Variants in NPM1 observed in about 807,000 individuals in gnomAD.
NPM1 encodes nucleophosmin 1, also known as nucleophosmin.
In NPM1, 1 loss-of-function variant was observed where a neutral mutation model predicts 44.1. The ratio of observed to expected loss-of-function variants is 0.02; its 90% CI spans 0.01 to 0.11. The LOEUF (loss-of-function observed/expected upper bound fraction) is 0.11. Ranked by LOEUF, NPM1 falls within the 10% of genes least tolerant of loss-of-function variation. The pLI is 1.00. For synonymous variants in NPM1, 126 were observed against 111.8 expected (o/e 1.13, Z -0.80); for missense variants, 197 against 347.8 (o/e 0.57, Z 3.45).
chr5:171,393,091 A>G lies in NPM1; in HGVS notation c.524+113A>G, dbSNP rs948259635. The stretch of plus-strand genomic sequence containing the variant: ...AAAGTCATTTACAAAAAGCCATCCT[A>G]TGTAATAGTTTATAATAAAAGGGCA... On this transcript the variant is annotated intron_variant, in intron 6 of 10. Transcript: ENST00000296930. 4.4e-6 allele frequency: 6 copies of G among 1,358,740 alleles called. No individual in the cohort carries two copies. The African/African-American group carries it at 5.9e-5, about 13-fold the overall frequency. 84.2% of individuals were successfully genotyped at this position (1,358,740 alleles called of 1,614,324 possible). A position where few individuals can be genotyped will look rare whatever the true frequency, so the allele number is the denominator to read the frequency against.
At chr5:171,406,938 C>T (rs1771604814) in intron 9 of NPM1, 1 of 161,590 alleles carries the variant, frequency 6.2e-6, no homozygotes, top group Non-Finnish European at 1.4e-5. Flanking sequence ...ATATTCAATG[C>T]TTTAAATTCC....
At chr5:171,390,202 TGAGAC>T in intron 2 of NPM1, 72 bp downstream of exon 2, 1 of 866,732 alleles carries the variant, frequency 1.2e-6, no homozygotes. Context: ...TCATGTGGCT[TGAGAC>T]TTTTTTTCCT....
rs779180169 is a variant in NPM1 at position 171,400,809 on chromosome 5, A to G, written c.583-30A>G. 4.2e-6 allele frequency: 6 copies of G among 1,412,732 alleles called. No individual in the cohort carries two copies. In the Admixed American group the frequency reaches 6.7e-5, roughly 16 times the overall value. 87.5% of individuals were successfully genotyped at this position (1,412,732 alleles called of 1,614,324 possible). ...GTTTGCACTGTTGTTGGGGTCAGGGACAGTGATTAAGATAAATTTCTAATT... is the reference window on the plus strand; with the variant it reads ...GTTTGCACTGTTGTTGGGGTCAGGGGCAGTGATTAAGATAAATTTCTAATT... On this transcript the variant is annotated intron_variant, in intron 7 of 10. Coordinates refer to ENST00000296930, the MANE Select transcript of NPM1 (RefSeq NM_002520.7).
In NPM1 at chr5:171,392,586, CTTT is replaced by C. The variant is rs34475806; in HGVS notation, c.353-109_353-107del. On this transcript the variant is annotated intron_variant, in intron 4 of 10. Coordinates refer to ENST00000296930, the MANE Select transcript of NPM1 (RefSeq NM_002520.7). ...TAAAAAGTTCCTTTTCCCATGTGCT[CTTT>C]TTTTTTTTTTTTTTAAATAGAATAG... 0.35 allele frequency: 159,653 copies of C among 449,836 alleles called. 16,249 individuals are homozygous for C. The highest frequency in any genetic ancestry group is 0.45 in the East Asian group (12,354 of 27,254). The allele number at this position is 449,836 out of a possible 1,614,324, so 27.9% of individuals were successfully genotyped here.
At chr5:171,405,165 T>C in intron 8 of NPM1, 137 bp from the exon 9 acceptor site, 3 of 609,226 alleles carry the variant, frequency 4.9e-6, no homozygotes, top group Non-Finnish European at 8.8e-6. Context: ...CGTGAATTTA[T>C]TGATGATAAT....
intron 1 of NPM1, 113 bp from the exon 2 acceptor site, chr5:171,389,938 C>G (rs867112732): frequency 3.3e-5 from 22 of 660,250 alleles, no homozygotes; most frequent in Middle Eastern, 3.9e-4. Flanking sequence ...CCTCTGGTAG[C>G]TAAAATAGTG....
intron 9 of NPM1, chr5:171,406,401 A>C: frequency 6.2e-7 from 1 of 1,613,264 alleles, no homozygotes; most frequent in Non-Finnish European, 8.5e-7. Flanking sequence ...TTGCAGGCGC[A>C]TTGAACAGTC....
chr5:171,388,062 T>TGGGGGG, intron 1 of NPM1, 56 bp downstream of exon 1: 3 of 531,416 alleles, frequency 5.6e-6, no homozygotes, highest in East Asian at 4.5e-5. Context: ...GCGGTGAGGG[T>TGGGGGG]GGGGGTGAGG....
chr5:171,408,577 G>A (rs1771680249), intron 10 of NPM1, among the ~76,000 whole-genome samples: 1 of 152,100 alleles, frequency 6.6e-6, no homozygotes, highest in South Asian at 2.1e-4. Context: ...CCCTGATAAT[G>A]GTTAATTTTG....
In NPM1 at chr5:171,406,201, A is replaced by AT. The variant is rs1771555274; in HGVS notation, c.771+800dup. Among the ~76,000 whole-genome samples, 8 of 152,266 alleles carry AT rather than the reference A, an allele frequency of 5.3e-5. No individual in the cohort carries two copies. In the South Asian group the frequency reaches 1.5e-3, roughly 28 times the overall value. ...TATAGATTTTTCGTGGCTTCAGTAG[A>AT]TTCCTTGTACAGTGATAAGTCCACT... On this transcript the variant is annotated intron_variant, in intron 9 of 10. Coordinates refer to ENST00000296930, the MANE Select transcript of NPM1 (RefSeq NM_002520.7).
intron 6 of NPM1, among the ~76,000 whole-genome samples, chr5:171,397,175 CTG>C (rs1283703339): frequency 6.6e-6 from 1 of 152,170 alleles, no homozygotes; most frequent in Non-Finnish European, 1.5e-5. Context: ...ACTTCTGTGA[CTG>C]TTTTCTTAGC....
chr5:171,389,429 A>G (rs772987659), intron 1 of NPM1, among the ~76,000 whole-genome samples: 26 of 152,212 alleles, frequency 1.7e-4, no homozygotes, highest in Non-Finnish European at 3.1e-4. Context: ...TTTAATTCCT[A>G]GTTATTTTGG....
chr5:171,393,201 T>G (rs1251917496), intron 6 of NPM1, among the ~76,000 whole-genome samples: 1 of 152,236 alleles, frequency 6.6e-6, no homozygotes, highest in Non-Finnish European at 1.5e-5. Context: ...CTGTGACTTG[T>G]GACTCTTCAG....
intron 6 of NPM1, among the ~76,000 whole-genome samples, chr5:171,398,540 T>C (rs968371970): frequency 1.3e-5 from 2 of 152,180 alleles, no homozygotes; most frequent in African/African-American, 4.8e-5. Context: ...TTTGAGAGGC[T>C]GAGGCAGGCG....
At chr5:171,387,560 G>C (rs1314949069), upstream of NPM1, 1 of 236,268 alleles carries the variant, frequency 4.2e-6, no homozygotes, top group African/African-American at 2.2e-5. Flanking sequence ...AGAGGACGTG[G>C]AAGGGTTGGA....
chr5:171,392,628 TA>T, intron 4 of NPM1, 81 bp from the exon 5 acceptor site: 2 of 797,608 alleles, frequency 2.5e-6, no homozygotes, highest in Non-Finnish European at 3.9e-6. Flanking sequence ...TCTCAGTTTT[TA>T]GAGTATTTAC....
chr5:171,388,202 A>AG (rs1208822250), intron 1 of NPM1, among the ~76,000 whole-genome samples, 196 bp downstream of exon 1: 1 of 151,922 alleles, frequency 6.6e-6, no homozygotes, highest in African/African-American at 2.4e-5. Context: ...GGTGGCGTGA[A>AG]GGGGGAGGAG....
chr5:171,400,552 G>T (rs1771143066), intron 7 of NPM1, among the ~76,000 whole-genome samples: 1 of 151,360 alleles, frequency 6.6e-6, no homozygotes, highest in African/African-American at 2.4e-5. Context: ...TGCCTCCCGG[G>T]TTGAAGCGAT....
intron 7 of NPM1, 97 bp from the exon 8 acceptor site, chr5:171,400,742 A>G: frequency 1.3e-6 from 1 of 795,766 alleles, no homozygotes; most frequent in East Asian, 2.6e-5. Flanking sequence ...CACCACGCCA[A>G]GCCTGTGGTT....
Sources: allele counts gnomAD v4.1 joint callset (sites outside exome capture counted in the v4.1 genomes callset), GRCh38; gene constraint gnomAD v4.1.1; transcripts MANE v1.5; gene names NCBI Gene and HGNC (gene_info 2026-07-23, HGNC 2026-07-21).